The following IGFBP7 variants were observed in gnomAD, a reference collection of about 807,000 sequenced individuals.
IGFBP7 encodes the protein insulin like growth factor binding protein 7, also known as insulin-like growth factor-binding protein 7.
Under a neutral mutation model 29.4 loss-of-function variants are expected in IGFBP7, and 31 were observed. The ratio of observed to expected loss-of-function variants is 1.05; its 90% CI spans 0.79 to 1.42. The LOEUF (loss-of-function observed/expected upper bound fraction) is 1.42, where lower values mean the gene tolerates loss of function less well. Among genes scored for constraint, IGFBP7 ranks in the 40% most tolerant of loss-of-function variants. The probability of loss-of-function intolerance (pLI) is 0.00; values close to 1 mark genes in which losing one functional copy is unlikely to be tolerated. For missense variants in IGFBP7, 393 were observed against 395.5 expected (o/e 0.99, Z 0.05); for synonymous variants, 172 against 174.9 (o/e 0.98, Z 0.13).
intron 1 of IGFBP7, among the ~76,000 whole-genome samples, chr4:57,043,967 T>C (rs1407135406): frequency 6.6e-6 from 1 of 152,242 alleles, no homozygotes; most frequent in Admixed American, 6.5e-5. Context: ...GCCCTCATGC[T>C]GCTCTGTTCT....
At chr4:57,048,019 T>C (rs1277302) in intron 1 of IGFBP7, among the ~76,000 whole-genome samples, 142,186 of 151,212 alleles carry the variant, frequency 0.94, 66,880 homozygotes, top group South Asian at 0.97. Context: ...TAGGTGTAAG[T>C]CACCATGCCT....
chr4:57,099,757 G>T lies in IGFBP7; in HGVS notation c.475+10120C>A, dbSNP rs118007832. 9.4e-4 allele frequency among the ~76,000 whole-genome samples: 143 copies of T among 152,238 alleles called. 1 individual carries two copies. The East Asian group carries it at 0.022, about 24-fold the overall frequency. Reference sequence around the variant, plus strand: ...AGGTTTTCCTATTTTTTGAGACAGGGTCTCCTTCTGTCATCCAGGCTGGAG... The same window carrying T: ...AGGTTTTCCTATTTTTTGAGACAGGTTCTCCTTCTGTCATCCAGGCTGGAG... On this transcript the variant is annotated intron_variant, in intron 1 of 4. Transcript: ENST00000295666.
chr4:57,100,867 C>T (rs1387691117), intron 1 of IGFBP7, among the ~76,000 whole-genome samples: 3 of 152,226 alleles, frequency 2.0e-5, no homozygotes, highest in African/African-American at 4.8e-5. Context: ...ACCAGAATTG[C>T]TATTTACCAC....
chr4:57,091,342 G>A (rs1725631314), intron 1 of IGFBP7, among the ~76,000 whole-genome samples: 1 of 152,182 alleles, frequency 6.6e-6, no homozygotes, highest in African/African-American at 2.4e-5. Context: ...ATGTTTAACT[G>A]CTTCTGACAC....
chr4:57,045,519 A>G (rs1724338478), intron 1 of IGFBP7, among the ~76,000 whole-genome samples: 1 of 152,194 alleles, frequency 6.6e-6, no homozygotes, highest in African/African-American at 2.4e-5. Context: ...GTAATATTCA[A>G]GGGACCAAAC....
intron 1 of IGFBP7, among the ~76,000 whole-genome samples, chr4:57,085,538 T>C (rs6827171): frequency 0.31 from 46,618 of 151,972 alleles, 8,716 homozygotes; most frequent in African/African-American, 0.52. Flanking sequence ...TTATTTGTAT[T>C]ATTTAAAAAA....
At chr4:57,070,360 C>T (rs991739768) in intron 1 of IGFBP7, among the ~76,000 whole-genome samples, 27 of 152,134 alleles carry the variant, frequency 1.8e-4, no homozygotes, top group Non-Finnish European at 1.2e-4. Context: ...TCCTCTATCC[C>T]GTCCCTTCCC....
chr4:57,031,245 A>G lies in IGFBP7; in HGVS notation c.*72T>C. 8.0e-7 allele frequency: 1 copy of G among 1,248,980 alleles called. No individual in the cohort carries two copies. 77.4% of individuals were successfully genotyped at this position (1,248,980 alleles called of 1,614,324 possible). A position where few individuals can be genotyped will look rare whatever the true frequency, so the allele number is the denominator to read the frequency against. ...TAGTGGATTGGATTAAAAGAAACTTATTAGGCAAGAACAGGTAATGTAGTT... is the reference window on the plus strand; with the variant it reads ...TAGTGGATTGGATTAAAAGAAACTTGTTAGGCAAGAACAGGTAATGTAGTT... On this transcript the variant is annotated 3_prime_UTR_variant, in exon 5 of 5. Transcript: ENST00000295666.
In IGFBP7 at chr4:57,110,118, C is replaced by G. The variant is rs1401760893; in HGVS notation, c.234G>C (p.Arg78Ser). The change falls in exon 1 of 5, where the codon AGG becomes AGC. Residue 78 changes from arginine (R) to serine (S), a missense_variant. Coordinates refer to ENST00000295666, the MANE Select transcript of IGFBP7 (RefSeq NM_001553.3). ...GEPCGGGGAG[R>S]GYCAPGMECV... ...ACTCCATGCCCGGCGCGCAGTACCC[C>G]CTGCCGGCGCCGCCACCCCCGCACG... 6.6e-6 allele frequency: 10 copies of G among 1,513,158 alleles called. No individual in the cohort carries two copies. In the African/African-American group the frequency reaches 7.2e-5, roughly 11 times the overall value. 93.7% of individuals were successfully genotyped at this position (1,513,158 alleles called of 1,614,324 possible). A position where few individuals can be genotyped will look rare whatever the true frequency, so the allele number is the denominator to read the frequency against.
At chr4:57,054,844 C>T (rs568956557) in intron 1 of IGFBP7, among the ~76,000 whole-genome samples, 14 of 152,216 alleles carry the variant, frequency 9.2e-5, no homozygotes, top group Admixed American at 2.6e-4. Flanking sequence ...GTTCCCTGTA[C>T]ACTCGGACAA....
At chr4:57,092,804 G>A (rs1476117231) in intron 1 of IGFBP7, among the ~76,000 whole-genome samples, 1 of 150,742 alleles carries the variant, frequency 6.6e-6, no homozygotes, top group Non-Finnish European at 1.5e-5. Flanking sequence ...AGAAAAACGA[G>A]TAAATTATGG....
At chr4:57,105,438 G>T (rs1725999854) in intron 1 of IGFBP7, among the ~76,000 whole-genome samples, 1 of 152,038 alleles carries the variant, frequency 6.6e-6, no homozygotes, top group Non-Finnish European at 1.5e-5. Context: ...TAGGTCCTTG[G>T]GTCTGTCTAT....
At chr4:57,088,316 G>A (rs1352208260) in intron 1 of IGFBP7, among the ~76,000 whole-genome samples, 1 of 152,140 alleles carries the variant, frequency 6.6e-6, no homozygotes, top group Non-Finnish European at 1.5e-5. Context: ...TATCTGAAAA[G>A]CATGGTGATG....
At chr4:57,038,383 C>A (rs1050960973) in intron 2 of IGFBP7, among the ~76,000 whole-genome samples, 1 of 152,172 alleles carries the variant, frequency 6.6e-6, no homozygotes, top group Non-Finnish European at 1.5e-5. Flanking sequence ...ATATTGAGAG[C>A]AAAGAGTCAA....
At chr4:57,098,235 C>A (rs1725809545) in intron 1 of IGFBP7, among the ~76,000 whole-genome samples, 1 of 152,086 alleles carries the variant, frequency 6.6e-6, no homozygotes, top group Non-Finnish European at 1.5e-5. Context: ...GCAGGACTCA[C>A]CATTTATAAA....
intron 1 of IGFBP7, among the ~76,000 whole-genome samples, chr4:57,044,053 C>T (rs1041961684): frequency 6.6e-6 from 1 of 152,190 alleles, no homozygotes; most frequent in Non-Finnish European, 1.5e-5. Context: ...GAAGAGCATA[C>T]CAGTTTTCAG....
At chr4:57,057,391 G>C (rs7699276) in intron 1 of IGFBP7, among the ~76,000 whole-genome samples, 8,146 of 152,290 alleles carry the variant, frequency 0.053, 304 homozygotes, top group Non-Finnish European at 0.08. Context: ...TAACGGTCAC[G>C]TGAACCTGGG....
At chr4:57,075,722 G>T (rs1338526337) in intron 1 of IGFBP7, among the ~76,000 whole-genome samples, 1 of 151,950 alleles carries the variant, frequency 6.6e-6, no homozygotes, top group African/African-American at 2.4e-5. Flanking sequence ...AAGAGAATTT[G>T]ACAAGTAGAA....
At position 57,110,172 on chromosome 4, in the gene IGFBP7, G is replaced by A; in HGVS notation, c.180C>T (p.Cys60=). The A allele has an allele frequency of 7.1e-7, 1 of 1,409,148 alleles. No individual in the cohort carries two copies. The highest frequency in any genetic ancestry group is 9.2e-7 in the Non-Finnish European group (1 of 1,091,486). The allele number at this position is 1,409,148 out of a possible 1,614,324, so 87.3% of individuals were successfully genotyped here. Residue 60 remains cysteine (C), a synonymous_variant, in exon 1 of 5, where the codon TGC becomes TGT. Coordinates refer to ENST00000295666, the MANE Select transcript of IGFBP7 (RefSeq NM_001553.3). ...LGETRDACGC[C]PMCARGEGEP... is the part of the protein sequence containing the mutation. ...CGCCCTCGCCGCGGGCGCACATAGG[G>A]CAGCAGCCGCACGCGTCGCGGGTCT...
Sources: gnomAD v4.1 joint callset for allele counts (sites outside exome capture counted in the v4.1 genomes callset) on GRCh38, gnomAD v4.1.1 for gene constraint, MANE v1.5 for transcripts, NCBI Gene and HGNC (gene_info 2026-07-23, HGNC 2026-07-21) for gene names.